RNASEH2B: variants seen among roughly 807,000 people sequenced by gnomAD.
The protein encoded by RNASEH2B is Aicardi-Goutieres syndrome 2 protein.
Under a neutral mutation model 45.0 loss-of-function variants are expected in RNASEH2B, and 36 were observed. The observed-to-expected ratio is 0.80, with a 90% confidence interval of 0.61 to 1.06. The LOEUF (loss-of-function observed/expected upper bound fraction) is 1.06. Ranked by LOEUF, RNASEH2B falls within the 50% of genes least tolerant of loss-of-function variation. The pLI is 0.00. For missense variants in RNASEH2B, 361 were observed against 360.3 expected (o/e 1.00, Z -0.02); for synonymous variants, 119 against 125.7 (o/e 0.95, Z 0.35).
intron 1 of RNASEH2B, chr13:50,910,412 G>A: frequency 3.0e-6 from 1 of 335,578 alleles, no homozygotes; most frequent in Non-Finnish European, 5.4e-6. Flanking sequence ...TCAGCCTGAG[G>A]GGAGCCACGC....
chr13:50,941,869 G>A (rs1254604907), intron 5 of RNASEH2B: 1 of 152,240 alleles, frequency 6.6e-6, no homozygotes, highest in Non-Finnish European at 1.5e-5. Flanking sequence ...CTGAGAAGAT[G>A]GCTGCAGATG....
intron 5 of RNASEH2B, among the ~76,000 whole-genome samples, chr13:50,939,350 C>T (rs1390435571): frequency 4.1e-5 from 2 of 48,384 alleles, no homozygotes; most frequent in African/African-American, 9.2e-5. Flanking sequence ...GAGCGAGACT[C>T]TGTTTCAAAA....
chr13:50,926,898 G>A (rs1318200336), intron 1 of RNASEH2B, among the ~76,000 whole-genome samples: 1 of 151,390 alleles, frequency 6.6e-6, no homozygotes, highest in Non-Finnish European at 1.5e-5. Flanking sequence ...AAAAATATAG[G>A]TTTCAGGTAA....
At chr13:50,922,362 C>A (rs996808843) in intron 1 of RNASEH2B, among the ~76,000 whole-genome samples, 5 of 152,176 alleles carry the variant, frequency 3.3e-5, no homozygotes, top group African/African-American at 1.2e-4. Flanking sequence ...TCAGAAGGAC[C>A]TGAGAGGGCC....
chr13:50,933,860 A>G (rs1177169150), intron 4 of RNASEH2B: 1 of 152,234 alleles, frequency 6.6e-6, no homozygotes, highest in African/African-American at 2.4e-5. Flanking sequence ...TCTGTGCATT[A>G]TTCTTACTAT....
intron 1 of RNASEH2B, among the ~76,000 whole-genome samples, chr13:50,914,059 T>G (rs1463098843): frequency 1.3e-5 from 2 of 151,530 alleles, no homozygotes; most frequent in Non-Finnish European, 2.9e-5. Context: ...TTTTTTTTTT[T>G]TTGGTCCACC....
intron 1 of RNASEH2B, among the ~76,000 whole-genome samples, chr13:50,917,382 T>C (rs1292112120): frequency 2.0e-5 from 3 of 152,206 alleles, no homozygotes; most frequent in Admixed American, 6.5e-5. Context: ...TCTGTTTGAC[T>C]GGCTTGTATA....
At chr13:50,969,969 G>A (rs370009090) in exon 10 of RNASEH2B, 3 of 1,551,416 alleles carry the variant, frequency 1.9e-6, no homozygotes, top group Non-Finnish European at 2.6e-6. Context: ...AAGTGATGGT[G>A]GTGGCTCCAC....
intron 9 of RNASEH2B, among the ~76,000 whole-genome samples, chr13:50,966,200 CACACATATAT>C: frequency 6.6e-6 from 1 of 152,142 alleles, no homozygotes; most frequent in East Asian, 1.9e-4. Context: ...CACACATAAA[CACACATATAT>C]ACACATAAGT....
chr13:50,913,370 G>A (rs994222508), intron 1 of RNASEH2B, among the ~76,000 whole-genome samples: 8 of 152,086 alleles, frequency 5.3e-5, no homozygotes, highest in African/African-American at 1.9e-4. Flanking sequence ...ACCCAGGTGT[G>A]AGAGGTCACC....
At chr13:50,961,712 A>G (rs1952113176), downstream of RNASEH2B, among the ~76,000 whole-genome samples, 1 of 152,126 alleles carries the variant, frequency 6.6e-6, no homozygotes, top group Non-Finnish European at 1.5e-5. Flanking sequence ...AGCCAAAGCT[A>G]GGAAATGTGT....
At chr13:50,940,697 G>A (rs1951823669) in intron 5 of RNASEH2B, 1 of 152,204 alleles carries the variant, frequency 6.6e-6, no homozygotes, top group East Asian at 1.9e-4. Flanking sequence ...GGGCCTCCCG[G>A]TTAGTTTGTT....
intron 9 of RNASEH2B, chr13:50,950,341 T>A (rs932146622): frequency 6.6e-6 from 1 of 152,238 alleles, no homozygotes; most frequent in Non-Finnish European, 1.5e-5. Flanking sequence ...CTCATAATTT[T>A]TTATGTCATT....
At chr13:50,930,822 C>T (rs1951672397) in intron 4 of RNASEH2B, 63 bp downstream of exon 4, 10 of 1,155,362 alleles carry the variant, frequency 8.7e-6, no homozygotes, top group East Asian at 4.7e-5. Flanking sequence ...TGTTTGATCT[C>T]CTCTCTCTCC....
chr13:50,935,045 TTGCCTAAGAACGTGGCTGCTTA>T, intron 5 of RNASEH2B, 46 bp downstream of exon 5: 1 of 1,273,366 alleles, frequency 7.9e-7, no homozygotes, highest in Non-Finnish European at 1.1e-6. Flanking sequence ...AGGATGGACC[TTGCCTAAGAACGTGGCTGCTTA>T]CAGACACACT....
At chr13:50,910,471 G>A in intron 1 of RNASEH2B, 1 of 249,808 alleles carries the variant, frequency 4.0e-6, no homozygotes, top group Non-Finnish European at 7.5e-6. Flanking sequence ...TTCTGCCCTT[G>A]GTGTCCCCTA....
chr13:50,955,040 C>CT (rs1952026724), intron 10 of RNASEH2B: 2 of 152,112 alleles, frequency 1.3e-5, no homozygotes, highest in South Asian at 4.1e-4. Context: ...TAAATTAAGG[C>CT]TATTAACACT....
At chr13:50,958,417 T>A (rs1056200758), downstream of RNASEH2B, among the ~76,000 whole-genome samples, 2 of 152,156 alleles carry the variant, frequency 1.3e-5, no homozygotes, top group Non-Finnish European at 2.9e-5. Flanking sequence ...GTGGCTTTAT[T>A]TCTGGGTTCT....
At chr13:50,949,726 G>T (rs1053919140) in intron 9 of RNASEH2B, among the ~76,000 whole-genome samples, 1 of 152,134 alleles carries the variant, frequency 6.6e-6, no homozygotes, top group African/African-American at 2.4e-5. Flanking sequence ...AACCCAAGAA[G>T]AGTTGGTTTT....
Sources: allele counts gnomAD v4.1 joint callset (sites outside exome capture counted in the v4.1 genomes callset), GRCh38; gene constraint gnomAD v4.1.1; transcripts MANE v1.5; gene names NCBI Gene and HGNC (gene_info 2026-07-23, HGNC 2026-07-21).